KCND2: variants seen among roughly 807,000 people sequenced by gnomAD.
The protein encoded by KCND2 is A-type voltage-gated potassium channel KCND2.
KCND2 carries 16 observed loss-of-function variants against 54.4 expected under a neutral mutation model. That is an observed-to-expected ratio of 0.29 (90% CI 0.20 to 0.45). The LOEUF (loss-of-function observed/expected upper bound fraction) is 0.45. KCND2 is among the 20% of genes least tolerant of loss of function. The pLI, the probability that KCND2 is intolerant of heterozygous loss-of-function variation, is 1.00. For synonymous variants in KCND2, 317 were observed against 310.7 expected (o/e 1.02, Z -0.21); for missense variants, 486 against 824.2 (o/e 0.59, Z 5.02).
chr7:120,421,582 G>T (rs955708150), intron 1 of KCND2, among the ~76,000 whole-genome samples: 1 of 152,190 alleles, frequency 6.6e-6, no homozygotes, highest in East Asian at 1.9e-4. Context: ...TGACACCTAA[G>T]CATCTGCATT....
rs1388795545 is a variant in KCND2, at chr7:120,745,975, G to T, written c.1663G>T (p.Glu555Ter). 1 of 1,613,678 alleles carries T rather than the reference G, an allele frequency of 6.2e-7. No individual in the cohort carries two copies. The highest frequency in any genetic ancestry group is 8.5e-7 in the Non-Finnish European group (1 of 1,179,792). ...VSGSHQGSIQELSTIQIRCVE... is the reference protein window; with the variant it reads ...VSGSHQGSIQ Reference sequence around the variant, plus strand: ...AGGAAGCCATCAAGGTAGTATACAAGAACTCAGCACGATTCAGATCAGATG... The same window carrying T: ...AGGAAGCCATCAAGGTAGTATACAATAACTCAGCACGATTCAGATCAGATG... Residue 555 changes from glutamate to a stop codon, truncating the protein, a stop_gained, in exon 5 of 6, where the codon GAA (glutamate) becomes TAA (stop). Transcript: ENST00000331113. LOFTEE classifies it high-confidence loss of function.
At chr7:120,292,137 G>A (rs1040305400) in intron 1 of KCND2, among the ~76,000 whole-genome samples, 2 of 151,578 alleles carry the variant, frequency 1.3e-5, no homozygotes, top group Admixed American at 6.6e-5. Flanking sequence ...ATTACCATTG[G>A]TATTACATAT....
chr7:120,459,981 T>C (rs369440565), intron 1 of KCND2, among the ~76,000 whole-genome samples: 1 of 152,218 alleles, frequency 6.6e-6, no homozygotes. Flanking sequence ...TTCAATGCCT[T>C]CTTCCTTTTA....
chr7:120,349,150 A>G (rs1001839671), intron 1 of KCND2, among the ~76,000 whole-genome samples: 2 of 152,124 alleles, frequency 1.3e-5, no homozygotes, highest in African/African-American at 4.8e-5. Context: ...TCTTAATTCT[A>G]CAAAGAAATT....
At chr7:120,473,906 T>A (rs1414782877) in intron 1 of KCND2, among the ~76,000 whole-genome samples, 1 of 151,824 alleles carries the variant, frequency 6.6e-6, no homozygotes, top group Non-Finnish European at 1.5e-5. Flanking sequence ...GATTCAGGAG[T>A]CATGGGAGGA....
intron 1 of KCND2, among the ~76,000 whole-genome samples, chr7:120,545,285 A>G (rs1213314019): frequency 2.0e-5 from 3 of 151,918 alleles, no homozygotes; most frequent in Admixed American, 6.6e-5. Context: ...TACAAGATCA[A>G]ACAAAGCAGA....
Position 120,660,405 on chromosome 7 carries a change from G to A in KCND2, c.1116-72498G>A, listed in dbSNP as rs148653586. Among the ~76,000 whole-genome samples, 709 of 152,314 alleles carry A rather than the reference G, an allele frequency of 4.7e-3. 5 individuals are homozygous for A. The highest frequency in any genetic ancestry group is 0.016 in the African/African-American group (682 of 41,566). ...ACTAAAACAAAAGTGAATGTGGAAAGGAATCTTCAATTAAGAACGGATCAT... is the reference window on the plus strand; with the variant it reads ...ACTAAAACAAAAGTGAATGTGGAAAAGAATCTTCAATTAAGAACGGATCAT... On this transcript the variant is annotated intron_variant, in intron 1 of 5. Transcript: ENST00000331113.
At position 120,274,597 on chromosome 7, in the gene KCND2, G is replaced by A. The variant is rs755169245; in HGVS notation, c.-36G>A. 18 of 1,613,954 alleles carry A rather than the reference G, an allele frequency of 1.1e-5. No individual in the cohort carries two copies. Among genetic ancestry groups the A allele is most frequent in the Non-Finnish European group, 1.4e-5 (17 of 1,179,912 alleles). On this transcript the variant is annotated 5_prime_UTR_variant, in exon 1 of 6. Transcript: ENST00000331113. ...GCTGCTTCGGTGACCCATTGTAGAC[G>A]CCTCGTTACCCTTCTTCCTTCCGCT... is the stretch of plus-strand genomic sequence containing the variant.
chr7:120,311,953 G>A (rs1485555358), intron 1 of KCND2, among the ~76,000 whole-genome samples: 2 of 152,074 alleles, frequency 1.3e-5, no homozygotes, highest in Non-Finnish European at 2.9e-5. Context: ...TCCCTAGACT[G>A]GAGTGCAATG....
intron 1 of KCND2, among the ~76,000 whole-genome samples, chr7:120,315,710 A>G (rs765656411): frequency 6.6e-6 from 1 of 151,026 alleles, no homozygotes; most frequent in Non-Finnish European, 1.5e-5. Context: ...ATTGTTGTCA[A>G]TGTAGGGAAA....
chr7:120,475,311 T>C (rs914564955), intron 1 of KCND2, among the ~76,000 whole-genome samples: 6 of 152,346 alleles, frequency 3.9e-5, no homozygotes, highest in Middle Eastern at 3.4e-3. Flanking sequence ...TAAAGTTAAC[T>C]AACATTTGTT....
chr7:120,732,768 T>C, intron 1 of KCND2, 135 bp from the exon 2 acceptor site: 1 of 653,294 alleles, frequency 1.5e-6, no homozygotes, highest in South Asian at 2.0e-5. Flanking sequence ...TCTGAAGCCA[T>C]ATATATTATA....
At chr7:120,507,419 G>A (rs941891555) in intron 1 of KCND2, among the ~76,000 whole-genome samples, 31 of 151,834 alleles carry the variant, frequency 2.0e-4, no homozygotes, top group Non-Finnish European at 4.3e-4. Context: ...ATGGCTACAT[G>A]GGTAAAGACT....
chr7:120,578,916 T>TCACA (rs111758455), intron 1 of KCND2, among the ~76,000 whole-genome samples: 3,620 of 146,846 alleles, frequency 0.025, 125 homozygotes, highest in African/African-American at 0.078. Context: ...AGACCCTGTC[T>TCACA]CACACACACA....
chr7:120,648,923 A>G (rs2116541689), intron 1 of KCND2, among the ~76,000 whole-genome samples: 1 of 152,336 alleles, frequency 6.6e-6, no homozygotes, highest in African/African-American at 2.4e-5. Context: ...TTTTTATTAG[A>G]AGACTTGATA....
chr7:120,673,144 A>G (rs1792015579), intron 1 of KCND2, among the ~76,000 whole-genome samples: 1 of 152,100 alleles, frequency 6.6e-6, no homozygotes, highest in East Asian at 1.9e-4. Flanking sequence ...CCTCTGAAGA[A>G]ACCAAACTTG....
At chr7:120,507,811 ATAAT>A (rs1387622934) in intron 1 of KCND2, among the ~76,000 whole-genome samples, 1 of 151,872 alleles carries the variant, frequency 6.6e-6, no homozygotes, top group Admixed American at 6.6e-5. Context: ...CTAAAACCTG[ATAAT>A]TAAACAACCC....
At chr7:120,587,524 T>TA (rs1372161245) in intron 1 of KCND2, among the ~76,000 whole-genome samples, 1 of 152,172 alleles carries the variant, frequency 6.6e-6, no homozygotes, top group Non-Finnish European at 1.5e-5. Context: ...CCTAATGACT[T>TA]ACAGGATTTT....
chr7:120,656,420 T>C (rs1337855897), intron 1 of KCND2, among the ~76,000 whole-genome samples: 2 of 152,226 alleles, frequency 1.3e-5, no homozygotes, highest in East Asian at 1.9e-4. Flanking sequence ...CATGGAAGAC[T>C]ATTTCCTTTT....
Sources: allele counts gnomAD v4.1 joint callset (sites outside exome capture counted in the v4.1 genomes callset), GRCh38; gene constraint gnomAD v4.1.1; transcripts MANE v1.5; gene names NCBI Gene and HGNC (gene_info 2026-07-23, HGNC 2026-07-21).